The following GRIN1 variants were observed in gnomAD, a reference collection of about 807,000 sequenced individuals.
The protein encoded by GRIN1 is glutamate receptor ionotropic, NMDA 1.
A neutral mutation model predicts 103.0 loss-of-function variants in GRIN1; 38 were observed. The ratio of observed to expected loss-of-function variants is 0.37; its 90% CI spans 0.28 to 0.48. GRIN1 has a LOEUF of 0.48. GRIN1 is among the 20% of genes least tolerant of loss of function. The pLI, the probability that GRIN1 is intolerant of heterozygous loss-of-function variation, is 0.98. For missense variants in GRIN1, 577 were observed against 1,288.9 expected, an observed-to-expected ratio of 0.45 and a Z score of 8.46; for synonymous variants, 544 against 532.7, an observed-to-expected ratio of 1.02 and a Z score of -0.29.
chr9:137,163,437 C>A, intron 16 of GRIN1, 107 bp downstream of exon 16: 1 of 1,458,820 alleles, frequency 6.9e-7, no homozygotes, highest in Non-Finnish European at 9.6e-7. Context: ...CCCACCCAGG[C>A]CGGGCGCTGC....
In GRIN1 at chr9:137,161,363, T is replaced by C; in HGVS notation, c.1414T>C (p.Phe472Leu). 2 of 1,612,624 alleles carry C rather than the reference T, an allele frequency of 1.2e-6. No homozygotes were observed. Among genetic ancestry groups the C allele is most frequent in the Non-Finnish European group, 1.7e-6 (2 of 1,179,824 alleles). The change falls in exon 10 of 20, where the codon TTC becomes CTC. Residue 472 changes from phenylalanine (F) to leucine (L), a missense_variant. Physicochemically the swap from Phe to Leu is conservative, Grantham distance 22 (BLOSUM62 0). This residue lies in a region of GRIN1 where 96 missense variants were observed against 145.0 expected (regional missense o/e 0.66). Transcript: ENST00000371561. ...LLIKLARTMN[F>L]TYEVHLVADG... is the part of the protein sequence containing the mutation. Reference sequence around the variant, plus strand: ...CATCAAGCTGGCACGGACCATGAACTTCACCTACGAGGTGCACCTGGTGGC... The same window carrying C: ...CATCAAGCTGGCACGGACCATGAACCTCACCTACGAGGTGCACCTGGTGGC...
intron 18 of GRIN1, 154 bp from the exon 19 acceptor site, chr9:137,165,032 G>A (rs995381720): frequency 2.1e-5 from 15 of 709,788 alleles, no homozygotes; most frequent in African/African-American, 8.7e-5. Flanking sequence ...ACCCTCGAAC[G>A]TCCGCTGTCG....
intron 10 of GRIN1, among the ~76,000 whole-genome samples, chr9:137,161,704 GA>G (rs1833559364): frequency 1.9e-4 from 1 of 5,232 alleles, no homozygotes; most frequent in African/African-American, 6.9e-4. Flanking sequence ...GAGTGGGCGG[GA>G]CGTGGAGTGG....
chr9:137,156,069 G>A (rs892698921), intron 4 of GRIN1, among the ~76,000 whole-genome samples: 1 of 152,194 alleles, frequency 6.6e-6, no homozygotes, highest in Non-Finnish European at 1.5e-5. Context: ...TAGGAGCTCG[G>A]GTCCTGACTC....
chr9:137,147,115 G>A (rs1195985885), intron 3 of GRIN1, among the ~76,000 whole-genome samples: 3 of 127,692 alleles, frequency 2.3e-5, no homozygotes, highest in Non-Finnish European at 5.0e-5. Context: ...TCCACCCACG[G>A]CCACGGACTC....
At chr9:137,165,456 T>G in intron 19 of GRIN1, 160 bp downstream of exon 19, 2 of 674,324 alleles carry the variant, frequency 3.0e-6, no homozygotes, top group Non-Finnish European at 2.7e-6. Flanking sequence ...CATGCTGCTC[T>G]CTCTCACTCT....
chr9:137,147,799 G>A (rs1832632861), intron 3 of GRIN1, among the ~76,000 whole-genome samples: 1 of 152,252 alleles, frequency 6.6e-6, no homozygotes, highest in Admixed American at 6.5e-5. Flanking sequence ...GACACAGGTT[G>A]GAGTGGGCAC....
At chr9:137,158,320 C>T in intron 6 of GRIN1, 59 bp from the exon 7 acceptor site, 1 of 1,570,022 alleles carries the variant, frequency 6.4e-7, no homozygotes, top group African/African-American at 1.3e-5. Context: ...GGGGAAGGAG[C>T]AGGGAGGAGC....
intron 2 of GRIN1, among the ~76,000 whole-genome samples, chr9:137,144,517 T>C (rs946599235): frequency 1.9e-4 from 29 of 151,432 alleles, no homozygotes; most frequent in East Asian, 9.7e-4. Flanking sequence ...TAGCCGGGCG[T>C]GGTGGCGGGC....
chr9:137,153,415 A>G (rs546860418), intron 4 of GRIN1, among the ~76,000 whole-genome samples: 59 of 149,936 alleles, frequency 3.9e-4, no homozygotes, highest in African/African-American at 1.4e-3. Context: ...CCATGCATAC[A>G]CACACAAATG....
At chr9:137,144,366 C>T (rs1588690183) in intron 2 of GRIN1, among the ~76,000 whole-genome samples, 2 of 147,838 alleles carry the variant, frequency 1.4e-5, no homozygotes, top group South Asian at 4.2e-4. Context: ...GAAAGTGTCC[C>T]CAGGTTGGCC....
At chr9:137,159,410 C>T (rs1833407688) in intron 8 of GRIN1, among the ~76,000 whole-genome samples, 1 of 152,228 alleles carries the variant, frequency 6.6e-6, no homozygotes, top group African/African-American at 2.4e-5. Context: ...TTTTCTGAGC[C>T]CACCCCTGAA....
chr9:137,149,931 A>G (rs1832746863), intron 4 of GRIN1, among the ~76,000 whole-genome samples: 1 of 152,176 alleles, frequency 6.6e-6, no homozygotes, highest in Non-Finnish European at 1.5e-5. Context: ...GCAGACCACC[A>G]TTTCCACGGT....
rs1030585861 is a variant in GRIN1, at chr9:137,139,213, G to T, written c.-274G>T. On this transcript the variant is annotated 5_prime_UTR_variant, in exon 1 of 20. Transcript: ENST00000371561. The surrounding 1 kb of genome is among the most constrained non-coding windows in gnomAD (Gnocchi z 7.7). ...CGTCCGCGGAGCCGCCGCCGCCGCC[G>T]CCGGGCCCTTTCCAAGCCGGGCGCT... 1 of 161,574 alleles carries T rather than the reference G, an allele frequency of 6.2e-6. No individual in the cohort carries two copies. Among genetic ancestry groups the T allele is most frequent in the Non-Finnish European group, 1.4e-5 (1 of 73,978 alleles). 10.0% of individuals were successfully genotyped at this position (161,574 alleles called of 1,614,324 possible).
intron 14 of GRIN1, 32 bp downstream of exon 14, chr9:137,162,771 C>A: frequency 1.2e-6 from 2 of 1,600,828 alleles, no homozygotes; most frequent in South Asian, 1.1e-5. Flanking sequence ...GGAGGGAATG[C>A]GAGGTGAGCT....
At chr9:137,157,077 G>A in intron 6 of GRIN1, 40 bp downstream of exon 6, 7 of 1,556,546 alleles carry the variant, frequency 4.5e-6, no homozygotes, top group Non-Finnish European at 6.1e-6. Flanking sequence ...GGCTGCTCTT[G>A]GGGAGGTGGG....
intron 2 of GRIN1, among the ~76,000 whole-genome samples, chr9:137,144,443 A>G (rs367705096): frequency 2.6e-5 from 4 of 151,680 alleles, no homozygotes; most frequent in Non-Finnish European, 5.9e-5. Flanking sequence ...TCACGAGGTC[A>G]GGAGATCGAG....
chr9:137,155,622 C>G (rs1833173032), intron 4 of GRIN1, among the ~76,000 whole-genome samples: 1 of 152,122 alleles, frequency 6.6e-6, no homozygotes, highest in Non-Finnish European at 1.5e-5. Flanking sequence ...TAGTCCAGGC[C>G]CACCTGGAGA....
At chr9:137,151,461 G>A (rs962462463) in intron 4 of GRIN1, among the ~76,000 whole-genome samples, 31 of 121,650 alleles carry the variant, frequency 2.5e-4, no homozygotes, top group Non-Finnish European at 8.8e-5. Flanking sequence ...CAACCCAGAA[G>A]AAAGCCCCAC....
Sources: allele counts gnomAD v4.1 joint callset (sites outside exome capture counted in the v4.1 genomes callset), GRCh38; gene constraint gnomAD v4.1.1; regional missense constraint gnomAD v4.1.1; non-coding constraint Gnocchi (gnomAD v3.1); transcripts MANE v1.5; gene names NCBI Gene and HGNC (gene_info 2026-07-23, HGNC 2026-07-21).